SPATA24: variants seen among roughly 807,000 people sequenced by gnomAD.
SPATA24 encodes spermatogenesis associated 24, also known as spermatogenesis-associated protein 24.
A neutral mutation model predicts 28.9 loss-of-function variants in SPATA24; 21 were observed. That is an observed-to-expected ratio of 0.73 (90% confidence interval 0.52 to 1.05). The LOEUF (loss-of-function observed/expected upper bound fraction) is 1.05, where lower values mean the gene tolerates loss of function less well. Ranked by LOEUF, SPATA24 falls within the 50% of genes least tolerant of loss-of-function variation. The pLI, the probability that SPATA24 is intolerant of heterozygous loss-of-function variation, is 0.00. For missense variants in SPATA24, 215 were observed against 242.9 expected, an observed-to-expected ratio of 0.88 and a Z score of 0.76; for synonymous variants, 76 against 89.9, an observed-to-expected ratio of 0.85 and a Z score of 0.88.
At chr5:139,395,645 T>G (rs1489910440), downstream of SPATA24, 1 of 152,532 alleles carries the variant, frequency 6.6e-6, no homozygotes, top group Non-Finnish European at 1.5e-5. Context: ...TTGACCCCAG[T>G]TACACTCTTC....
At chr5:139,396,680 TG>T (rs1481606657), downstream of SPATA24, 26 of 1,539,114 alleles carry the variant, frequency 1.7e-5, no homozygotes, top group Middle Eastern at 3.3e-4. Context: ...CCCCACCTTG[TG>T]GACCCCTACC....
At chr5:139,402,309 G>A (rs1413186213) in intron 2 of SPATA24, among the ~76,000 whole-genome samples, 1 of 151,674 alleles carries the variant, frequency 6.6e-6, no homozygotes, top group African/African-American at 2.4e-5. Context: ...CACCTCCTGG[G>A]TTCAAGCCAA....
chr5:139,395,113 C>G (rs1420316305), downstream of SPATA24: 2 of 1,383,892 alleles, frequency 1.4e-6, no homozygotes, highest in Non-Finnish European at 9.4e-7. Flanking sequence ...CTATCTCCCT[C>G]GCATTCGCCT....
At chr5:139,394,816 G>A, downstream of SPATA24, 1 of 1,530,036 alleles carries the variant, frequency 6.5e-7, no homozygotes, top group Non-Finnish European at 8.8e-7. Flanking sequence ...TGGGCCTCGC[G>A]GGAAACCCGA....
downstream of SPATA24, chr5:139,392,637 T>C: frequency 7.2e-7 from 1 of 1,386,864 alleles, no homozygotes; most frequent in Non-Finnish European, 9.3e-7. This position sits in a 1 kb window ranked among gnomAD's most constrained non-coding sequence, Gnocchi z 5.8. Flanking sequence ...TCGGTTTGGG[T>C]GCTATCCCAG....
intron 4 of SPATA24, 199 bp downstream of exon 4, chr5:139,401,556 T>C (rs1417287020): frequency 2.8e-6 from 2 of 702,850 alleles, no homozygotes; most frequent in Non-Finnish European, 5.2e-6. Context: ...AAGAATATAG[T>C]ACACCGACTG....
chr5:139,396,132 C>A (rs1402946851), downstream of SPATA24: 1 of 982,408 alleles, frequency 1.0e-6, no homozygotes, highest in African/African-American at 1.7e-5. Context: ...TGGCCTCAAA[C>A]CGACCCAGGA....
downstream of SPATA24, chr5:139,394,405 G>A: frequency 1.4e-6 from 2 of 1,389,688 alleles, no homozygotes; most frequent in Non-Finnish European, 1.9e-6. Context: ...CCGGGGGCGC[G>A]GCGCGCCGGC....
chr5:139,393,486 T>C (rs1758635880), downstream of SPATA24: 3 of 1,551,548 alleles, frequency 1.9e-6, no homozygotes, highest in Non-Finnish European at 2.6e-6. Flanking sequence ...CCTGAGTAAA[T>C]GCTATCGATG....
At chr5:139,392,768 C>G, downstream of SPATA24, 1 of 1,438,264 alleles carries the variant, frequency 7.0e-7, no homozygotes, top group South Asian at 1.5e-5. The surrounding 1 kb of genome is among the most constrained non-coding windows in gnomAD (Gnocchi z 5.8). Context: ...CGACCGTCGC[C>G]GTCGGGGACC....
chr5:139,394,017 C>T, downstream of SPATA24: 7 of 1,550,736 alleles, frequency 4.5e-6, no homozygotes, highest in Non-Finnish European at 6.1e-6. Flanking sequence ...GGAACCGAGT[C>T]TTCCGCGCCT....
chr5:139,402,689 A>C lies in SPATA24; in HGVS notation c.122T>G (p.Val41Gly). 6.4e-7 allele frequency: 1 copy of C among 1,551,786 alleles called. No individual in the cohort carries two copies. The highest frequency in any genetic ancestry group is 8.7e-7 in the Non-Finnish European group (1 of 1,146,964). ...ELIHQLRNVM[V>G]LQDENFVSKE... ...ACTGACAAAATTTTCGTCCTGGAGA[A>C]CCATCTGCAACAGAGCCTGGCTGAG... Residue 41 changes from valine (V) to glycine (G), a missense_variant, in exon 2 of 6, where the codon GTT (valine) becomes GGT (glycine). Val to Gly is a moderately radical substitution (Grantham distance 109). Transcript: ENST00000450845.
chr5:139,402,541 C>G (rs1237537593), intron 2 of SPATA24, 87 bp downstream of exon 2: 1 of 1,244,016 alleles, frequency 8.0e-7, no homozygotes, highest in Non-Finnish European at 1.2e-6. Flanking sequence ...CTGCACCCAT[C>G]AGAGGCTAAT....
downstream of SPATA24, chr5:139,393,932 G>C: frequency 6.4e-7 from 1 of 1,550,930 alleles, no homozygotes; most frequent in South Asian, 1.2e-5. Flanking sequence ...GCCCTACTCG[G>C]AACCTCCGAG....
chr5:139,394,771 C>G (rs1335757073), downstream of SPATA24: 3 of 1,531,844 alleles, frequency 2.0e-6, no homozygotes, highest in East Asian at 5.1e-5. Context: ...CGGCAGCGTG[C>G]GCAGCTGGGG....
At chr5:139,394,743 GA>G, downstream of SPATA24, 1 of 1,534,124 alleles carries the variant, frequency 6.5e-7, no homozygotes, top group Non-Finnish European at 8.7e-7. Flanking sequence ...CGCCGAAGAT[GA>G]CTTCCATCTC....
chr5:139,403,737 T>C (rs1176285730), intron 1 of SPATA24, among the ~76,000 whole-genome samples: 1 of 152,186 alleles, frequency 6.6e-6, no homozygotes, highest in African/African-American at 2.4e-5. Context: ...GAAGGGAGAA[T>C]ATGGCTTGAT....
At chr5:139,402,812 G>A in intron 1 of SPATA24, 119 bp from the exon 2 acceptor site, 1 of 735,152 alleles carries the variant, frequency 1.4e-6, no homozygotes, top group Non-Finnish European at 2.3e-6. Flanking sequence ...TGAGACTGAG[G>A]CCTTGGGAAG....
rs1414063972 is a variant in SPATA24, at chr5:139,401,880, C to T, written c.314+35G>A. 4.2e-5 allele frequency: 65 copies of T among 1,549,206 alleles called. No homozygotes were observed. The Admixed American group carries it at 1.2e-3, about 29-fold the overall frequency. On this transcript the variant is annotated intron_variant, in intron 3 of 5. Coordinates refer to ENST00000450845, the MANE Select transcript of SPATA24 (RefSeq NM_194296.2). Reference sequence around the variant, plus strand: ...GGCAGGCTAGCAAGCAGATGCATCCCCCAAACCCCACACCCCGTACTGAGG... The same window carrying T: ...GGCAGGCTAGCAAGCAGATGCATCCTCCAAACCCCACACCCCGTACTGAGG...
Sources: allele counts gnomAD v4.1 joint callset (sites outside exome capture counted in the v4.1 genomes callset), GRCh38; gene constraint gnomAD v4.1.1; non-coding constraint Gnocchi (gnomAD v3.1); transcripts MANE v1.5; gene names NCBI Gene and HGNC (gene_info 2026-07-23, HGNC 2026-07-21).